Variants in TEAD1 observed in about 807,000 individuals in gnomAD.
TEAD1 encodes the protein transcriptional enhancer factor TEF-1.
Under a neutral mutation model 54.9 loss-of-function variants are expected in TEAD1, and 9 were observed. That is an observed-to-expected ratio of 0.16 (90% CI 0.10 to 0.29). The LOEUF (loss-of-function observed/expected upper bound fraction) is 0.29, where lower values mean the gene tolerates loss of function less well. TEAD1 is among the 10% of genes least tolerant of loss of function. The pLI, the probability that TEAD1 is intolerant of heterozygous loss-of-function variation, is 1.00. For missense variants in TEAD1, 387 were observed against 535.9 expected (o/e 0.72, Z 2.74); for synonymous variants, 200 against 187.8 (o/e 1.07, Z -0.53).
chr11:12,838,300 T>A (rs909260439), intron 3 of TEAD1, among the ~76,000 whole-genome samples: 1 of 152,220 alleles, frequency 6.6e-6, no homozygotes, highest in African/African-American at 2.4e-5. Flanking sequence ...TGGGTAATAA[T>A]GCTTAATGTG....
intron 3 of TEAD1, among the ~76,000 whole-genome samples, chr11:12,855,657 T>A (rs1589928390): frequency 6.6e-6 from 1 of 151,634 alleles, no homozygotes; most frequent in East Asian, 2.0e-4. Context: ...AAAACAGACT[T>A]CATGGGCTAA....
chr11:12,877,878 G>T (rs1333649950), intron 5 of TEAD1, among the ~76,000 whole-genome samples: 3 of 149,850 alleles, frequency 2.0e-5, no homozygotes, highest in African/African-American at 7.4e-5. Context: ...GCTCATTGCA[G>T]CCTTGACCTC....
rs572698382 is a variant in TEAD1, at chr11:12,756,338, G to A, written c.-54-7841G>A. Among the ~76,000 whole-genome samples, 16 of 152,272 alleles carry A rather than the reference G, an allele frequency of 1.1e-4. 1 individual carries two copies. In the South Asian group the frequency reaches 3.3e-3, roughly 32 times the overall value. On this transcript the variant is annotated intron_variant, in intron 2 of 12. Transcript: ENST00000527636. The stretch of plus-strand genomic sequence containing the variant: ...CTCAGCATCAGCATTCCCATTCCCT[G>A]AGAATTCTGCCCTGTCTCTGACAAT...
chr11:12,924,754 C>T (rs538958468), intron 10 of TEAD1, among the ~76,000 whole-genome samples, 158 bp from the exon 11 acceptor site: 1 of 152,178 alleles, frequency 6.6e-6, no homozygotes, highest in Admixed American at 6.5e-5. Flanking sequence ...CTTTAAAAAA[C>T]GACAGATGGG....
chr11:12,685,262 G>GGAGAGTAGTC (rs1169293422), intron 2 of TEAD1, among the ~76,000 whole-genome samples: 2 of 152,186 alleles, frequency 1.3e-5, no homozygotes, highest in Non-Finnish European at 2.9e-5. Context: ...TATTGAGGGA[G>GGAGAGTAGTC]GAGAGTAGTC....
intron 2 of TEAD1, among the ~76,000 whole-genome samples, chr11:12,724,229 G>A (rs995598063): frequency 3.3e-5 from 5 of 152,162 alleles, no homozygotes; most frequent in Admixed American, 6.5e-5. Flanking sequence ...GAGCTCGTGG[G>A]CTCTCCGTAA....
At position 12,763,515 on chromosome 11, in the gene TEAD1, C is replaced by T. The variant is rs1043442802; in HGVS notation, c.-54-664C>T. On this transcript the variant is annotated intron_variant, in intron 2 of 12. Coordinates refer to ENST00000527636, the MANE Select transcript of TEAD1 (RefSeq NM_021961.6). ...GCCCCAGAGATAAATGACATAGGTC[C>T]AGGTCAGCCAGCATTGCTGTCTCAG... Among the ~76,000 whole-genome samples, 4 of 152,292 alleles carry T rather than the reference C, an allele frequency of 2.6e-5. No homozygotes were observed. In the South Asian group the frequency reaches 8.3e-4, roughly 32 times the overall value.
At chr11:12,916,046 A>G (rs1218201347) in intron 10 of TEAD1, among the ~76,000 whole-genome samples, 1 of 152,152 alleles carries the variant, frequency 6.6e-6, no homozygotes, top group Non-Finnish European at 1.5e-5. Context: ...TCCTCTGCCC[A>G]TCATTGAAAC....
At chr11:12,890,820 A>G (rs1948183857) in intron 9 of TEAD1, among the ~76,000 whole-genome samples, 1 of 152,218 alleles carries the variant, frequency 6.6e-6, no homozygotes. Context: ...GCTGGAGTAC[A>G]GTGGCACAAC....
intron 2 of TEAD1, among the ~76,000 whole-genome samples, chr11:12,704,411 C>A (rs922976199): frequency 6.6e-6 from 1 of 152,228 alleles, no homozygotes; most frequent in Admixed American, 6.5e-5. Context: ...CTGTCTCAGC[C>A]ACTTGCAGCA....
chr11:12,786,296 A>G (rs1304960701), intron 3 of TEAD1, among the ~76,000 whole-genome samples: 1 of 152,194 alleles, frequency 6.6e-6, no homozygotes, highest in Non-Finnish European at 1.5e-5. Context: ...TAAAGCTGGC[A>G]GAACCCAGAC....
intron 3 of TEAD1, among the ~76,000 whole-genome samples, chr11:12,790,504 G>A (rs1420749569): frequency 6.6e-6 from 1 of 152,132 alleles, no homozygotes; most frequent in African/African-American, 2.4e-5. Flanking sequence ...ATTTGTACTG[G>A]GCAGAGACAA....
chr11:12,719,899 C>T lies in TEAD1; in HGVS notation c.-54-44280C>T, dbSNP rs1308212416. On this transcript the variant is annotated intron_variant, in intron 2 of 12. Coordinates refer to ENST00000527636, the MANE Select transcript of TEAD1 (RefSeq NM_021961.6). ...AGGAACATAGTCCAGGTGGCATGAT[C>T]TGTAATGAAAATTCAACTTTGCAAA... Among the ~76,000 whole-genome samples, 3 of 133,344 alleles carry T rather than the reference C, an allele frequency of 2.2e-5. No homozygotes were observed. In the Admixed American group the frequency reaches 2.7e-4, roughly 12 times the overall value. 87.5% of individuals were successfully genotyped at this position (133,344 alleles called of 152,430 possible). A position where few individuals can be genotyped will look rare whatever the true frequency, so the allele number is the denominator to read the frequency against.
intron 2 of TEAD1, among the ~76,000 whole-genome samples, chr11:12,705,940 T>A (rs575483092): frequency 6.6e-6 from 1 of 152,200 alleles, no homozygotes. Context: ...CTTTCAAATA[T>A]AGTGTGATTA....
At chr11:12,827,328 G>A (rs1184692863) in intron 3 of TEAD1, among the ~76,000 whole-genome samples, 2 of 152,174 alleles carry the variant, frequency 1.3e-5, no homozygotes, top group African/African-American at 4.8e-5. Context: ...ATATTCATGA[G>A]ATACTGGGAT....
chr11:12,796,329 C>T (rs186311165), intron 3 of TEAD1, among the ~76,000 whole-genome samples: 279 of 152,216 alleles, frequency 1.8e-3, no homozygotes, highest in African/African-American at 6.3e-3. Context: ...AGGAAATCAG[C>T]GTTGTTGGTC....
At chr11:12,924,764 G>T (rs1298141565) in intron 10 of TEAD1, 148 bp from the exon 11 acceptor site, 1 of 910,802 alleles carries the variant, frequency 1.1e-6, no homozygotes, top group East Asian at 2.4e-5. Flanking sequence ...CGACAGATGG[G>T]TATTGAACTT....
intron 10 of TEAD1, among the ~76,000 whole-genome samples, chr11:12,917,224 G>C (rs771350501): frequency 1.3e-5 from 2 of 152,164 alleles, no homozygotes; most frequent in Non-Finnish European, 2.9e-5. Context: ...GAAGGATTCG[G>C]CTGGTGTTTC....
chr11:12,678,787 T>G (rs956391100), intron 2 of TEAD1, among the ~76,000 whole-genome samples: 2 of 152,242 alleles, frequency 1.3e-5, no homozygotes, highest in Admixed American at 6.5e-5. Flanking sequence ...GTCCTCAATC[T>G]GTAAGATTCT....
Sources: gnomAD v4.1 joint callset for allele counts (sites outside exome capture counted in the v4.1 genomes callset) on GRCh38, gnomAD v4.1.1 for gene constraint, MANE v1.5 for transcripts, NCBI Gene and HGNC (gene_info 2026-07-23, HGNC 2026-07-21) for gene names.